IGF1R: variants seen among roughly 807,000 people sequenced by gnomAD.
IGF1R encodes insulin like growth factor 1 receptor.
A neutral mutation model predicts 144.6 loss-of-function variants in IGF1R; 44 were observed. The observed-to-expected ratio is 0.30, with a 90% CI of 0.24 to 0.39. IGF1R has a LOEUF of 0.39. Among genes scored for constraint, IGF1R ranks in the 10% least tolerant of loss-of-function variants. The probability of loss-of-function intolerance (pLI) is 1.00; values close to 1 mark genes in which losing one functional copy is unlikely to be tolerated. For missense variants in IGF1R, 1,355 were observed against 1,833.7 expected (o/e 0.74, Z 4.77); for synonymous variants, 795 against 722.8 (o/e 1.10, Z -1.60).
At chr15:98,665,247 G>A (rs865823801) in intron 1 of IGF1R, among the ~76,000 whole-genome samples, 3 of 152,134 alleles carry the variant, frequency 2.0e-5, no homozygotes, top group Non-Finnish European at 4.4e-5. Flanking sequence ...CACCGCGCCC[G>A]GCAGGAACCC....
intron 2 of IGF1R, among the ~76,000 whole-genome samples, chr15:98,855,061 T>C (rs1274838745): frequency 2.6e-5 from 4 of 152,214 alleles, no homozygotes; most frequent in African/African-American, 9.7e-5. Flanking sequence ...CATCCCACTG[T>C]ACTATTTCCT....
At chr15:98,824,169 GT>G (rs2056850197) in intron 2 of IGF1R, 1 of 152,198 alleles carries the variant, frequency 6.6e-6, no homozygotes, top group Non-Finnish European at 1.5e-5. Context: ...AGGGCTGCCC[GT>G]TCTCCCCAGG....
intron 1 of IGF1R, among the ~76,000 whole-genome samples, chr15:98,655,321 A>G (rs2052459215): frequency 6.6e-6 from 1 of 152,152 alleles, no homozygotes; most frequent in Non-Finnish European, 1.5e-5. Flanking sequence ...AGACTTTTGG[A>G]CTTTTGAAGA....
At chr15:98,650,379 G>T (rs1351940240) in intron 1 of IGF1R, among the ~76,000 whole-genome samples, 1 of 152,208 alleles carries the variant, frequency 6.6e-6, no homozygotes. Flanking sequence ...GGGCGGTGGG[G>T]TGAGGGGAAG....
chr15:98,882,006 G>T (rs2013408782), intron 2 of IGF1R, among the ~76,000 whole-genome samples: 1 of 152,186 alleles, frequency 6.6e-6, no homozygotes, highest in African/African-American at 2.4e-5. Context: ...TGGAACTTCA[G>T]GTGACTAGAA....
chr15:98,673,140 A>C (rs1282640645), intron 1 of IGF1R, among the ~76,000 whole-genome samples: 1 of 152,200 alleles, frequency 6.6e-6, no homozygotes, highest in Non-Finnish European at 1.5e-5. Flanking sequence ...GCTGATAGAC[A>C]TGAGCTACTG....
chr15:98,790,836 G>A (rs1360591287), intron 2 of IGF1R, among the ~76,000 whole-genome samples: 1 of 152,136 alleles, frequency 6.6e-6, no homozygotes, highest in Non-Finnish European at 1.5e-5. Flanking sequence ...CATTCATTTA[G>A]GGCAGGAAGA....
rs201351992 is a variant in IGF1R, at chr15:98,708,004, G to A, written c.537G>A (p.Gly179=). 1.1e-4 allele frequency: 178 copies of A among 1,614,142 alleles called. No homozygotes were observed. In the Middle Eastern group the frequency reaches 1.3e-3, roughly 12 times the overall value. The change falls in exon 2 of 21, where the codon GGG becomes GGA. Residue 179 remains glycine (G), a synonymous_variant. Transcript: ENST00000650285. ...GGAATAAGCCCCCAAAGGAATGTGG[G>A]GACCTGTGTCCAGGGACCATGGAGG... ...IVGNKPPKEC[G]DLCPGTMEEK... is the part of the protein sequence containing the mutation.
intron 2 of IGF1R, among the ~76,000 whole-genome samples, chr15:98,759,096 A>C (rs539885025): frequency 1.3e-5 from 2 of 152,344 alleles, no homozygotes; most frequent in South Asian, 4.1e-4. Context: ...CAGTATAGCA[A>C]ATCATACATT....
intron 1 of IGF1R, among the ~76,000 whole-genome samples, chr15:98,702,565 C>T (rs1334717353): frequency 5.3e-5 from 8 of 152,112 alleles, no homozygotes; most frequent in Admixed American, 1.3e-4. Context: ...TGGCCTCAAG[C>T]GATCTACCTG....
chr15:98,879,514 C>G (rs1398182224), intron 2 of IGF1R, among the ~76,000 whole-genome samples: 1 of 152,184 alleles, frequency 6.6e-6, no homozygotes, highest in Non-Finnish European at 1.5e-5. Flanking sequence ...AGGGGAGGCA[C>G]ACGGGGGTGA....
chr15:98,803,982 C>T (rs1040648009), intron 2 of IGF1R, among the ~76,000 whole-genome samples: 3 of 152,226 alleles, frequency 2.0e-5, no homozygotes, highest in Non-Finnish European at 2.9e-5. Context: ...TTTGCACCAG[C>T]ATCCCCACAA....
In IGF1R at chr15:98,739,234, T is replaced by C. The variant is rs74032565; in HGVS notation, c.640+31127T>C. On this transcript the variant is annotated intron_variant, in intron 2 of 20. Coordinates refer to ENST00000650285, the MANE Select transcript of IGF1R (RefSeq NM_000875.5). ...TGGTGGTGGCTGATCCTGACCGTCC[T>C]CAGTTTTGTGAAGCAACAGCCTCTG... Among the ~76,000 whole-genome samples the C allele has an allele frequency of 5.8e-3, 883 of 152,278 alleles. 7 individuals carry two copies. The highest frequency in any genetic ancestry group is 0.02 in the African/African-American group (838 of 41,546).
At chr15:98,813,035 C>T (rs1397809240) in intron 2 of IGF1R, among the ~76,000 whole-genome samples, 1 of 152,220 alleles carries the variant, frequency 6.6e-6, no homozygotes, top group Non-Finnish European at 1.5e-5. Flanking sequence ...AGCTTCTCGT[C>T]ATCCCCCTTG....
chr15:98,734,035 C>A (rs1355119026), intron 2 of IGF1R, among the ~76,000 whole-genome samples: 1 of 152,100 alleles, frequency 6.6e-6, no homozygotes, highest in Non-Finnish European at 1.5e-5. Flanking sequence ...CTCGTAGGAC[C>A]CTCAGATGCT....
chr15:98,872,367 C>A (rs1230589195), intron 2 of IGF1R, among the ~76,000 whole-genome samples: 1 of 152,070 alleles, frequency 6.6e-6, no homozygotes, highest in African/African-American at 2.4e-5. Flanking sequence ...CCCCATTTAC[C>A]CACTTCCCAG....
chr15:98,661,867 C>T (rs546981898), intron 1 of IGF1R, among the ~76,000 whole-genome samples: 1 of 151,998 alleles, frequency 6.6e-6, no homozygotes, highest in Admixed American at 6.5e-5. Flanking sequence ...TTCTCCTCCT[C>T]ATGGTGGGTG....
chr15:98,705,394 C>A (rs570385620), intron 1 of IGF1R, among the ~76,000 whole-genome samples: 14 of 152,184 alleles, frequency 9.2e-5, no homozygotes, highest in Non-Finnish European at 1.8e-4. Flanking sequence ...TATTGACAAG[C>A]CTTGTGTCAA....
At chr15:98,654,323 G>C (rs1298843534) in intron 1 of IGF1R, among the ~76,000 whole-genome samples, 1 of 152,136 alleles carries the variant, frequency 6.6e-6, no homozygotes, top group Non-Finnish European at 1.5e-5. Flanking sequence ...CAGTGTTGTA[G>C]TTGCCTTTTT....
Sources: gnomAD v4.1 joint callset for allele counts (sites outside exome capture counted in the v4.1 genomes callset) on GRCh38, gnomAD v4.1.1 for gene constraint, MANE v1.5 for transcripts, NCBI Gene and HGNC (gene_info 2026-07-23, HGNC 2026-07-21) for gene names.